Variants in MALL observed in about 807,000 individuals in gnomAD.
MALL encodes mal, T cell differentiation protein like.
In MALL, 2 loss-of-function variants were observed where a neutral mutation model predicts 10.3. The ratio of observed to expected loss-of-function variants is 0.19; its 90% confidence interval spans 0.08 to 0.61. MALL has a LOEUF of 0.61. MALL is among the 20% of genes least tolerant of loss of function. MALL has a pLI of 0.88. For synonymous variants in MALL, 27 were observed against 51.8 expected, an observed-to-expected ratio of 0.52 and a Z score of 2.05; for missense variants, 39 against 115.2, an observed-to-expected ratio of 0.34 and a Z score of 3.03.
chr2:110,105,865 C>T (rs1574035072), intron 1 of MALL, among the ~76,000 whole-genome samples: 1 of 152,154 alleles, frequency 6.6e-6, no homozygotes, highest in African/African-American at 2.4e-5. Context: ...CCCCTGGCTT[C>T]AGTGAGCTTC....
At chr2:110,099,135 G>A (rs1437315696) in intron 1 of MALL, among the ~76,000 whole-genome samples, 3 of 152,250 alleles carry the variant, frequency 2.0e-5, no homozygotes, top group Admixed American at 6.5e-5. Flanking sequence ...AGCATCCCTT[G>A]GGAGTTTGGT....
In MALL at chr2:110,098,281, T is replaced by C. The variant is rs562230106; in HGVS notation, c.106-6511A>G. On this transcript the variant is annotated intron_variant, in intron 1 of 3. Coordinates refer to ENST00000272462, the MANE Select transcript of MALL (RefSeq NM_005434.5). The stretch of plus-strand genomic sequence containing the variant: ...TAAGTGTACAGTTCAGTGGCATTCA[T>C]GTTCATTCACACTGTTGTGCACCCA... 4.6e-5 allele frequency among the ~76,000 whole-genome samples: 7 copies of C among 152,120 alleles called. No individual in the cohort carries two copies. The East Asian group carries it at 1.4e-3, about 29-fold the overall frequency.
chr2:110,110,723 C>T (rs1031260557), intron 1 of MALL, among the ~76,000 whole-genome samples: 16 of 152,032 alleles, frequency 1.1e-4, no homozygotes, highest in African/African-American at 3.9e-4. Context: ...TTCTATGAAG[C>T]CAGCATCACC....
upstream of MALL, among the ~76,000 whole-genome samples, chr2:110,117,370 C>T (rs1018288702): frequency 5.9e-5 from 9 of 152,090 alleles, 1 homozygote; most frequent in Admixed American, 5.2e-4. Context: ...GAAAAACAAC[C>T]TTCTTAGGCT....
chr2:110,107,780 G>A (rs1574035984), intron 1 of MALL, among the ~76,000 whole-genome samples: 1 of 152,162 alleles, frequency 6.6e-6, no homozygotes, highest in Admixed American at 6.5e-5. Flanking sequence ...CCCTCACAGA[G>A]TCCACTGCAC....
chr2:110,102,972 T>C (rs56357128), intron 1 of MALL, among the ~76,000 whole-genome samples: 2 of 152,046 alleles, frequency 1.3e-5, no homozygotes, highest in Admixed American at 6.5e-5. Flanking sequence ...AGAGTCCAGA[T>C]GGGCAGTGTT....
intron 1 of MALL, 69 bp downstream of exon 1, chr2:110,115,619 G>T: frequency 1.1e-6 from 1 of 892,146 alleles, no homozygotes; most frequent in South Asian, 5.2e-5. Context: ...TTCTCGGTCC[G>T]GTCTGGGTCC....
upstream of MALL, chr2:110,115,999 G>T (rs978735092): frequency 1.0e-5 from 4 of 391,582 alleles, no homozygotes; most frequent in East Asian, 1.1e-4. Context: ...CTGGCCGGCG[G>T]GGGGCACAGC....
chr2:110,095,644 G>C (rs1033017), intron 1 of MALL, among the ~76,000 whole-genome samples: 129,449 of 151,782 alleles, frequency 0.85, 57,217 homozygotes, highest in South Asian at 0.98. Context: ...ATTTAACGAT[G>C]TAGTGTGAAC....
intron 1 of MALL, among the ~76,000 whole-genome samples, chr2:110,115,105 A>G (rs1011316000): frequency 1.3e-5 from 2 of 152,108 alleles, no homozygotes; most frequent in African/African-American, 2.4e-5. Context: ...ATGTTGCCAT[A>G]GCTACCTGGT....
chr2:110,092,868 GTTTGA>G (rs1247199124), intron 1 of MALL, among the ~76,000 whole-genome samples: 2 of 53,608 alleles, frequency 3.7e-5, no homozygotes, highest in East Asian at 1.5e-3. Flanking sequence ...GTAGTAGTCT[GTTTGA>G]TTTATTAGAA....
At chr2:110,111,897 G>A (rs943703658) in intron 1 of MALL, among the ~76,000 whole-genome samples, 5 of 152,076 alleles carry the variant, frequency 3.3e-5, no homozygotes, top group African/African-American at 9.7e-5. Context: ...ATAGACCAAC[G>A]GAACAGAATA....
At chr2:110,107,819 T>C (rs1678726856) in intron 1 of MALL, among the ~76,000 whole-genome samples, 1 of 152,160 alleles carries the variant, frequency 6.6e-6, no homozygotes, top group Non-Finnish European at 1.5e-5. Context: ...GAACAGGCAC[T>C]GATATCCATG....
upstream of MALL, chr2:110,115,997 C>A: frequency 2.6e-6 from 1 of 390,874 alleles, no homozygotes; most frequent in Non-Finnish European, 4.5e-6. Context: ...GCCTGGCCGG[C>A]GGGGGGCACA....
At chr2:110,100,038 C>G (rs1678529395) in intron 1 of MALL, among the ~76,000 whole-genome samples, 2 of 152,084 alleles carry the variant, frequency 1.3e-5, no homozygotes, top group African/African-American at 4.8e-5. Flanking sequence ...TCACCTGACT[C>G]CCAGGCCAAA....
intron 1 of MALL, among the ~76,000 whole-genome samples, chr2:110,113,754 T>C (rs569351922): frequency 6.6e-6 from 1 of 152,012 alleles, no homozygotes; most frequent in Non-Finnish European, 1.5e-5. Context: ...TTAGCAAAAC[T>C]GGAGTAAGGT....
intron 1 of MALL, among the ~76,000 whole-genome samples, chr2:110,113,039 C>G (rs1678838023): frequency 6.6e-6 from 1 of 151,882 alleles, no homozygotes; most frequent in East Asian, 1.9e-4. Context: ...CGTATGTTCT[C>G]ACTGATATGT....
chr2:110,092,566 A>G (rs1402830126), intron 1 of MALL, among the ~76,000 whole-genome samples: 1 of 51,670 alleles, frequency 1.9e-5, no homozygotes, highest in African/African-American at 4.8e-5. Context: ...ATGCAGTTGA[A>G]TATGTCAATC....
chr2:110,115,672 G>T lies in MALL; in HGVS notation c.105+16C>A. ...CCCTCTCTGCAGGTGGCCCGGGTCG[G>T]GGGTGCCGCACTCACCAGCTCGGGC... On this transcript the variant is annotated intron_variant, in intron 1 of 3. Coordinates refer to ENST00000272462, the MANE Select transcript of MALL (RefSeq NM_005434.5). The T allele has an allele frequency of 7.9e-7, 1 of 1,261,242 alleles. No homozygotes were observed. Among genetic ancestry groups the T allele is most frequent in the Non-Finnish European group, 1.0e-6 (1 of 993,582 alleles). 78.1% of individuals were successfully genotyped at this position (1,261,242 alleles called of 1,614,324 possible).
Sources: allele counts gnomAD v4.1 joint callset (sites outside exome capture counted in the v4.1 genomes callset), GRCh38; gene constraint gnomAD v4.1.1; transcripts MANE v1.5; gene names NCBI Gene and HGNC (gene_info 2026-07-23, HGNC 2026-07-21).